OTUD3: variants seen among roughly 807,000 people sequenced by gnomAD.
OTUD3 encodes OTU deubiquitinase 3, also known as OTU domain-containing protein 3.
OTUD3 carries 24 observed loss-of-function variants against 46.2 expected under a neutral mutation model. The observed-to-expected ratio is 0.52, with a 90% CI of 0.38 to 0.73. OTUD3 has a LOEUF of 0.73. OTUD3 is among the 30% of genes least tolerant of loss of function. The probability of loss-of-function intolerance (pLI) is 0.00; values close to 1 mark genes in which losing one functional copy is unlikely to be tolerated. For synonymous variants in OTUD3, 189 were observed against 195.4 expected (o/e 0.97, Z 0.27); for missense variants, 455 against 523.3 (o/e 0.87, Z 1.27).
At chr1:19,894,140 T>G in intron 2 of OTUD3, among the ~76,000 whole-genome samples, 1 of 152,264 alleles carries the variant, frequency 6.6e-6, no homozygotes, top group East Asian at 1.9e-4. Context: ...TAAACATTTA[T>G]TGCAGAAGAA....
chr1:19,883,362 G>T (rs977944740), intron 1 of OTUD3, among the ~76,000 whole-genome samples: 1 of 152,192 alleles, frequency 6.6e-6, no homozygotes. Flanking sequence ...GAACGCGGAG[G>T]GGGAGAGTGG....
At chr1:19,900,630 C>T (rs945463263) in intron 4 of OTUD3, among the ~76,000 whole-genome samples, 1 of 152,146 alleles carries the variant, frequency 6.6e-6, no homozygotes, top group Non-Finnish European at 1.5e-5. Flanking sequence ...AATTATACAT[C>T]TTTTCTCCAC....
intron 4 of OTUD3, among the ~76,000 whole-genome samples, chr1:19,901,199 C>A (rs185298347): frequency 2.0e-5 from 3 of 152,064 alleles, no homozygotes; most frequent in African/African-American, 7.2e-5. Context: ...CGTGAGCCAC[C>A]GTGCCCGGCC....
intron 4 of OTUD3, among the ~76,000 whole-genome samples, chr1:19,900,798 CAT>C (rs1004624633): frequency 4.6e-5 from 7 of 151,080 alleles, no homozygotes; most frequent in Admixed American, 3.3e-4. Context: ...ATTTTTCACT[CAT>C]AATTAATTTT....
chr1:19,889,963 G>A (rs1158032178), intron 1 of OTUD3, among the ~76,000 whole-genome samples: 4 of 152,154 alleles, frequency 2.6e-5, no homozygotes, highest in African/African-American at 7.2e-5. Context: ...TAGCTGTAGT[G>A]GAACTTGTTT....
chr1:19,884,954 G>A (rs2045336190), intron 1 of OTUD3, among the ~76,000 whole-genome samples: 2 of 152,252 alleles, frequency 1.3e-5, no homozygotes, highest in African/African-American at 2.4e-5. Context: ...AGTCCTTCTC[G>A]TTCATTCGGT....
At position 19,890,459 on chromosome 1, in the gene OTUD3, C is replaced by G; in HGVS notation, c.296C>G (p.Thr99Arg). ...SRNHLKHRQE[T>R]VDYMIKQRED... ...AATCATCTCAAGCACAGACAGGAGACAGTGGACTACATGATAAAGCAGCGG... is the reference window on the plus strand; with the variant it reads ...AATCATCTCAAGCACAGACAGGAGAGAGTGGACTACATGATAAAGCAGCGG... The change falls in exon 2 of 8, where the codon ACA (threonine) becomes AGA (arginine). Residue 99 changes from threonine (T) to arginine (R), a missense_variant. Coordinates refer to ENST00000375120, the MANE Select transcript of OTUD3 (RefSeq NM_015207.2). 1 of 1,613,770 alleles carries G rather than the reference C, an allele frequency of 6.2e-7. No homozygotes were observed. Among genetic ancestry groups the G allele is most frequent in the Non-Finnish European group, 8.5e-7 (1 of 1,179,688 alleles).
In OTUD3 at chr1:19,884,611, T is replaced by C. The variant is rs538268316; in HGVS notation, c.221+1877T>C. Among the ~76,000 whole-genome samples, 66 of 147,496 alleles carry C rather than the reference T, an allele frequency of 4.5e-4. 1 individual carries two copies. In the South Asian group the frequency reaches 0.014, roughly 31 times the overall value. On this transcript the variant is annotated intron_variant, in intron 1 of 7. Coordinates refer to ENST00000375120, the MANE Select transcript of OTUD3 (RefSeq NM_015207.2). ...GTTATAGCTATGAGTATTTACTGTA[T>C]TAGAAAGTAAAACAAAGTTAAAACA...
intron 3 of OTUD3, 66 bp from the exon 4 acceptor site, chr1:19,897,474 G>A (rs1330901050): frequency 3.8e-6 from 6 of 1,572,094 alleles, no homozygotes; most frequent in Non-Finnish European, 5.2e-6. Context: ...GTCCAGGTGG[G>A]TGTTTCTCTC....
chr1:19,894,484 G>T lies in OTUD3; in HGVS notation c.483+4G>T. On this transcript the variant is annotated splice_donor_region_variant and intron_variant, in intron 3 of 7. Transcript: ENST00000375120. The stretch of plus-strand genomic sequence containing the variant: ...ACTTAATGCCCCTTTGTGGCAGGTA[G>T]GTCACCTATTTAAACATTTATCTTA... The T allele has an allele frequency of 6.6e-7, 1 of 1,515,208 alleles. No individual in the cohort carries two copies. Among genetic ancestry groups the T allele is most frequent in the Non-Finnish European group, 9.1e-7 (1 of 1,100,492 alleles). The allele number at this position is 1,515,208 out of a possible 1,614,324, so 93.9% of individuals were successfully genotyped here.
chr1:19,906,611 G>GC lies in OTUD3; in HGVS notation c.1016dup (p.Val341GlyfsTer32). The GC allele has an allele frequency of 1.2e-6, 2 of 1,607,970 alleles. No homozygotes were observed. The highest frequency in any genetic ancestry group is 1.7e-6 in the Non-Finnish European group (2 of 1,177,472). ...AAACAAAGCAAATAAAAACCAGCTC[G>GC]CAAAGGTATGTAAGATGGGGTTGAA... On this transcript the variant is annotated frameshift_variant, in exon 7 of 8. Transcript: ENST00000375120. LOFTEE classifies it high-confidence loss of function.
At chr1:19,906,733 A>G (rs41264115) in intron 7 of OTUD3, 117 bp downstream of exon 7, 48,380 of 955,648 alleles carry the variant, frequency 0.051, 1,428 homozygotes, top group Middle Eastern at 0.075. Context: ...AGTAGTGTGG[A>G]AAATCTGGGG....
chr1:19,893,592 C>T (rs920322132), intron 2 of OTUD3, among the ~76,000 whole-genome samples: 5 of 152,164 alleles, frequency 3.3e-5, no homozygotes, highest in Admixed American at 2.6e-4. Context: ...ACTCAGTCTC[C>T]CCTCTCACCC....
In OTUD3 at chr1:19,882,465, G is replaced by C. The variant is rs1409921104; in HGVS notation, c.-49G>C. 1 of 1,330,804 alleles carries C rather than the reference G, an allele frequency of 7.5e-7. No homozygotes were observed. The highest frequency in any genetic ancestry group is 9.6e-7 in the Non-Finnish European group (1 of 1,045,762). 82.4% of individuals were successfully genotyped at this position (1,330,804 alleles called of 1,614,324 possible). A position where few individuals can be genotyped will look rare whatever the true frequency, so the allele number is the denominator to read the frequency against. On this transcript the variant is annotated 5_prime_UTR_variant, in exon 1 of 8. Transcript: ENST00000375120. ...TCCCAACGCTTGAGGCGGACGCTGG[G>C]GGGTCCTGCGCCTTTCCCTCCTGCC...
Position 19,882,411 on chromosome 1 carries a change from C to T in OTUD3, c.-103C>T, listed in dbSNP as rs1047178822. 2.2e-5 allele frequency: 29 copies of T among 1,298,708 alleles called. No homozygotes were observed. The highest frequency in any genetic ancestry group is 2.9e-4 in the Middle Eastern group (1 of 3,408). 80.4% of individuals were successfully genotyped at this position (1,298,708 alleles called of 1,614,324 possible). On this transcript the variant is annotated 5_prime_UTR_variant, in exon 1 of 8. Coordinates refer to ENST00000375120, the MANE Select transcript of OTUD3 (RefSeq NM_015207.2). ...GGCGCGGTTGCTGCGTAGTCGTCGC[C>T]GGGCTCCGTTGCCCGCGCTGTTTTA...
At chr1:19,907,215 C>G (rs1352916004) in intron 7 of OTUD3, among the ~76,000 whole-genome samples, 2 of 152,164 alleles carry the variant, frequency 1.3e-5, no homozygotes, top group Non-Finnish European at 2.9e-5. Context: ...AAAGCCACAG[C>G]AGAGGCAGAG....
chr1:19,911,777 CA>C lies in OTUD3; in HGVS notation c.*4032del, dbSNP rs1358255239. ...CTGCCATCGCATATTAGAAAGGGGA[CA>C]GTCATATTTGTAACGTGGAGAGAAC... On this transcript the variant is annotated 3_prime_UTR_variant, in exon 8 of 8. Transcript: ENST00000375120. The C allele has an allele frequency of 6.6e-6, 1 of 152,240 alleles. No individual in the cohort carries two copies. The highest frequency in any genetic ancestry group is 1.5e-5 in the Non-Finnish European group (1 of 68,036). 9.4% of individuals were successfully genotyped at this position (152,240 alleles called of 1,614,324 possible).
chr1:19,890,597 C>A, intron 2 of OTUD3, 64 bp downstream of exon 2: 1 of 1,378,852 alleles, frequency 7.3e-7, no homozygotes, highest in Non-Finnish European at 1.0e-6. Flanking sequence ...AGTCCACTGG[C>A]ATCCTCCCCC....
chr1:19,905,763 A>T (rs532051762), intron 6 of OTUD3, among the ~76,000 whole-genome samples: 8 of 152,332 alleles, frequency 5.3e-5, no homozygotes, highest in African/African-American at 1.9e-4. Flanking sequence ...AAAGGATGTA[A>T]CATCTTATTA....
Sources: gnomAD v4.1 joint callset for allele counts (sites outside exome capture counted in the v4.1 genomes callset) on GRCh38, gnomAD v4.1.1 for gene constraint, MANE v1.5 for transcripts, NCBI Gene and HGNC (gene_info 2026-07-23, HGNC 2026-07-21) for gene names.